The following IMMP2L variants were observed in gnomAD, a reference collection of about 807,000 sequenced individuals.
IMMP2L encodes the protein mitochondrial inner membrane protease subunit 2.
Under a neutral mutation model 19.3 loss-of-function variants are expected in IMMP2L, and 18 were observed. That is an observed-to-expected ratio of 0.93 (90% confidence interval 0.64 to 1.38). The LOEUF (loss-of-function observed/expected upper bound fraction) is 1.38. IMMP2L is among the 40% of genes most tolerant of loss of function. The pLI is 0.00. For missense variants in IMMP2L, 233 were observed against 218.2 expected (o/e 1.07, Z -0.43); for synonymous variants, 76 against 73.0 (o/e 1.04, Z -0.21).
At chr7:111,241,417 A>C (rs896916708) in intron 3 of IMMP2L, among the ~76,000 whole-genome samples, 3 of 151,982 alleles carry the variant, frequency 2.0e-5, no homozygotes, top group Non-Finnish European at 2.9e-5. Context: ...AAAGATGAAA[A>C]TACATATGCT....
intron 3 of IMMP2L, among the ~76,000 whole-genome samples, chr7:111,089,759 T>C (rs924311630): frequency 2.6e-5 from 4 of 152,184 alleles, no homozygotes; most frequent in African/African-American, 9.6e-5. Context: ...CTTATTTTGA[T>C]TCATTTGAAT....
intron 3 of IMMP2L, among the ~76,000 whole-genome samples, chr7:111,243,308 G>T (rs886149266): frequency 6.6e-6 from 1 of 151,900 alleles, no homozygotes; most frequent in Non-Finnish European, 1.5e-5. Flanking sequence ...AACTCTTGTA[G>T]AATTAAAAAC....
intron 3 of IMMP2L, among the ~76,000 whole-genome samples, chr7:111,410,640 C>T (rs1834323966): frequency 6.6e-6 from 1 of 151,210 alleles, no homozygotes; most frequent in South Asian, 2.1e-4. Flanking sequence ...ATTAAAAGGC[C>T]TTAAAACAGC....
At chr7:111,135,515 T>A (rs1295315755) in intron 3 of IMMP2L, among the ~76,000 whole-genome samples, 1 of 152,154 alleles carries the variant, frequency 6.6e-6, no homozygotes, top group Admixed American at 6.5e-5. Flanking sequence ...TGGGAAAAGC[T>A]AACCCTGTGA....
chr7:110,871,122 G>C (rs900892032), intron 5 of IMMP2L, among the ~76,000 whole-genome samples: 1 of 152,088 alleles, frequency 6.6e-6, no homozygotes, highest in East Asian at 1.9e-4. Context: ...CTAACTTTTT[G>C]TCTTGAGTAA....
rs1808558361 is a variant in IMMP2L, at chr7:110,871,761, G to A, written c.408+14832C>T. Among the ~76,000 whole-genome samples the A allele has an allele frequency of 2.0e-5, 3 of 152,096 alleles. No individual in the cohort carries two copies. The South Asian group carries it at 6.2e-4, about 32-fold the overall frequency. ...TTCTTAATCTAAGATAAACTACAGT[G>A]AGACATATATGTTGCAAAAGTATGA... On this transcript the variant is annotated intron_variant, in intron 5 of 5. Coordinates refer to ENST00000405709, the MANE Select transcript of IMMP2L (RefSeq NM_032549.4).
chr7:110,854,438 T>C (rs1451144671), intron 5 of IMMP2L, among the ~76,000 whole-genome samples: 1 of 151,888 alleles, frequency 6.6e-6, no homozygotes, highest in African/African-American at 2.4e-5. Flanking sequence ...TCTGGTCTTT[T>C]AAAGTGTTCC....
intron 5 of IMMP2L, among the ~76,000 whole-genome samples, chr7:110,811,882 G>A (rs1359950639): frequency 3.3e-5 from 5 of 151,946 alleles, no homozygotes; most frequent in Non-Finnish European, 7.4e-5. Flanking sequence ...CCTAATAAGA[G>A]CATCCTAACC....
chr7:111,385,267 T>A (rs1254387278), intron 3 of IMMP2L, among the ~76,000 whole-genome samples: 1 of 152,168 alleles, frequency 6.6e-6, no homozygotes, highest in Non-Finnish European at 1.5e-5. Context: ...GTTGGTACCC[T>A]AACCTGAACT....
At position 111,123,559 on chromosome 7, in the gene IMMP2L, A is replaced by T; in HGVS notation, c.240-159994T>A. 6.2e-7 allele frequency: 1 copy of T among 1,613,760 alleles called. No individual in the cohort carries two copies. Among genetic ancestry groups the T allele is most frequent in the Non-Finnish European group, 8.5e-7 (1 of 1,179,818 alleles). ...TGCTCTTCAAAAAGTTGTAAATCTC[A>T]AATTTTTGGATCTAAATAAAAATCC... is the stretch of plus-strand genomic sequence containing the variant. On this transcript the variant is annotated intron_variant, in intron 3 of 5. Coordinates refer to ENST00000405709, the MANE Select transcript of IMMP2L (RefSeq NM_032549.4). This position sits in a 1 kb window ranked among gnomAD's most constrained non-coding sequence, Gnocchi z 6.4.
chr7:110,697,567 G>A (rs987806065), intron 5 of IMMP2L, among the ~76,000 whole-genome samples: 1 of 152,174 alleles, frequency 6.6e-6, no homozygotes, highest in Non-Finnish European at 1.5e-5. Context: ...ACTTTGGGAG[G>A]CTGAGGTGGG....
At chr7:111,261,603 A>G (rs1172559185) in intron 3 of IMMP2L, among the ~76,000 whole-genome samples, 1 of 152,052 alleles carries the variant, frequency 6.6e-6, no homozygotes, top group East Asian at 1.9e-4. Context: ...GTATAACATA[A>G]CATGTAAATG....
At chr7:111,251,987 C>T (rs1816185890) in intron 3 of IMMP2L, among the ~76,000 whole-genome samples, 1 of 151,972 alleles carries the variant, frequency 6.6e-6, no homozygotes, top group Non-Finnish European at 1.5e-5. Context: ...ACCTAATAAA[C>T]TCTCTCCTGA....
chr7:110,667,954 G>A (rs989876711), intron 5 of IMMP2L, among the ~76,000 whole-genome samples: 4 of 152,076 alleles, frequency 2.6e-5, no homozygotes, highest in African/African-American at 7.2e-5. Flanking sequence ...TTTGAAGCAG[G>A]AAAAAAGCAA....
At chr7:110,818,724 C>G (rs1366447182) in intron 5 of IMMP2L, among the ~76,000 whole-genome samples, 1 of 151,620 alleles carries the variant, frequency 6.6e-6, no homozygotes, top group Non-Finnish European at 1.5e-5. Flanking sequence ...TGTCCAACAA[C>G]GATAGACTGG....
intron 3 of IMMP2L, among the ~76,000 whole-genome samples, chr7:110,980,227 C>CTTCTTTTTTT (rs1357424350): frequency 1.1e-5 from 1 of 91,904 alleles, no homozygotes; most frequent in African/African-American, 4.3e-5. Flanking sequence ...TGTGCTGCTT[C>CTTCTTTTTTT]TTTTTTTTTT....
intron 3 of IMMP2L, among the ~76,000 whole-genome samples, chr7:111,042,248 G>A (rs894220723): frequency 1.3e-5 from 2 of 151,886 alleles, no homozygotes; most frequent in African/African-American, 4.8e-5. Flanking sequence ...GGCACAATCC[G>A]GGCTCACTGA....
intron 2 of IMMP2L, among the ~76,000 whole-genome samples, chr7:111,516,433 T>C (rs568567671): frequency 6.6e-6 from 1 of 152,030 alleles, no homozygotes; most frequent in African/African-American, 2.4e-5. Context: ...TACTAAAATA[T>C]TGAAACTGGT....
intron 5 of IMMP2L, among the ~76,000 whole-genome samples, chr7:110,676,255 G>C (rs1018278403): frequency 3.9e-5 from 6 of 152,214 alleles, no homozygotes; most frequent in Non-Finnish European, 8.8e-5. Flanking sequence ...AAATAGTTTA[G>C]GCTTACAGGC....
Sources: gnomAD v4.1 joint callset for allele counts (sites outside exome capture counted in the v4.1 genomes callset) on GRCh38, gnomAD v4.1.1 for gene constraint, Gnocchi (gnomAD v3.1) non-coding constraint, MANE v1.5 for transcripts, NCBI Gene and HGNC (gene_info 2026-07-23, HGNC 2026-07-21) for gene names.